Variants in PCDHGA3 observed in about 807,000 individuals in gnomAD.
The protein encoded by PCDHGA3 is protocadherin gamma-A3.
PCDHGA3 carries 40 observed loss-of-function variants against 58.5 expected under a neutral mutation model. The ratio of observed to expected loss-of-function variants is 0.68; its 90% CI spans 0.53 to 0.89. The LOEUF (loss-of-function observed/expected upper bound fraction) is 0.89. Among genes scored for constraint, PCDHGA3 ranks in the 40% least tolerant of loss-of-function variants. PCDHGA3 has a pLI of 0.00. For synonymous variants in PCDHGA3, 530 were observed against 525.7 expected (o/e 1.01, Z -0.11); for missense variants, 1,223 against 1,195.9 (o/e 1.02, Z -0.33).
chr5:141,431,405 G>A lies in PCDHGA3; in HGVS notation c.2425-63402G>A, dbSNP rs2097369508. Reference sequence around the variant, plus strand: ...TCACCACCTGGTCCTTACGGCCTCCGACGGGGGCGACCCGGTGCGCACAGG... The same window carrying A: ...TCACCACCTGGTCCTTACGGCCTCCAACGGGGGCGACCCGGTGCGCACAGG... On this transcript the variant is annotated intron_variant, in intron 1 of 3. Transcript: ENST00000253812. The surrounding 1 kb of genome is among the most constrained non-coding windows in gnomAD (Gnocchi z 4.8). 1 of 1,613,614 alleles carries A rather than the reference G, an allele frequency of 6.2e-7. No individual in the cohort carries two copies.
intron 1 of PCDHGA3, among the ~76,000 whole-genome samples, chr5:141,481,913 CAAAAAAA>C (rs34114744): frequency 2.2e-5 from 2 of 90,812 alleles, no homozygotes; most frequent in Admixed American, 1.2e-4. Context: ...AACTCCATCT[CAAAAAAA>C]AAAAAAAAAA....
At chr5:141,470,872 TTTTTTGTTTTTG>T (rs900302332) in intron 1 of PCDHGA3, among the ~76,000 whole-genome samples, 1 of 151,814 alleles carries the variant, frequency 6.6e-6, no homozygotes, top group Non-Finnish European at 1.5e-5. Context: ...GTTTGTTTGT[TTTTTTGTTTTTG>T]TTTTTGTTTT....
chr5:141,353,831 GTCTT>G (rs1759397437), intron 1 of PCDHGA3, among the ~76,000 whole-genome samples: 1 of 152,116 alleles, frequency 6.6e-6, no homozygotes, highest in Non-Finnish European at 1.5e-5. Context: ...AGTTTGTGCG[GTCTT>G]TGAGGATTGT....
chr5:141,360,127 AG>A, intron 1 of PCDHGA3: 4 of 1,586,256 alleles, frequency 2.5e-6, no homozygotes, highest in Non-Finnish European at 2.6e-6. Context: ...GAGCAAAGGG[AG>A]CCAGAAGATG....
chr5:141,466,612 C>T (rs141916895), intron 1 of PCDHGA3, among the ~76,000 whole-genome samples: 1 of 152,262 alleles, frequency 6.6e-6, no homozygotes, highest in East Asian at 1.9e-4. Flanking sequence ...TTGTAAACTG[C>T]CGTTTTCTTT....
chr5:141,489,364 G>A lies in PCDHGA3; in HGVS notation c.2425-5443G>A, dbSNP rs2099686163. On this transcript the variant is annotated intron_variant, in intron 1 of 3. Coordinates refer to ENST00000253812, the MANE Select transcript of PCDHGA3 (RefSeq NM_018916.4). The surrounding 1 kb of genome is among the most constrained non-coding windows in gnomAD (Gnocchi z 4.5). The stretch of plus-strand genomic sequence containing the variant: ...CTCAGTGGTGGAGGAGTCTGAGCCG[G>A]GGACGCTGGTGGGGAATGTTGCTCA... 1 of 1,613,450 alleles carries A rather than the reference G, an allele frequency of 6.2e-7. No homozygotes were observed. The highest frequency in any genetic ancestry group is 1.1e-5 in the South Asian group (1 of 91,042).
chr5:141,503,362 G>A (rs565902559), intron 2 of PCDHGA3, among the ~76,000 whole-genome samples: 32 of 152,054 alleles, frequency 2.1e-4, no homozygotes, highest in African/African-American at 6.5e-4. Context: ...TTTGGGAAGC[G>A]GAGGCAGGTG....
At chr5:141,399,425 G>A (rs2093805755) in intron 1 of PCDHGA3, 1 of 1,613,990 alleles carries the variant, frequency 6.2e-7, no homozygotes. Context: ...TCCAGCATAA[G>A]CGTCATCCTA....
intron 1 of PCDHGA3, among the ~76,000 whole-genome samples, chr5:141,401,064 C>T (rs146303449): frequency 1.3e-5 from 2 of 152,226 alleles, no homozygotes; most frequent in East Asian, 3.9e-4. Flanking sequence ...TATATGTTGG[C>T]TGGGTGCAGT....
At position 141,487,074 on chromosome 5, in the gene PCDHGA3, T is replaced by C; in HGVS notation, c.2425-7733T>C. The C allele has an allele frequency of 6.2e-7, 1 of 1,614,104 alleles. No homozygotes were observed. The highest frequency in any genetic ancestry group is 8.5e-7 in the Non-Finnish European group (1 of 1,179,978). Reference sequence around the variant, plus strand: ...GGGGAGGTGCGGACGGCTGTTCCTATCCCAGCTGACCTCCCACCACAGAAG... The same window carrying C: ...GGGGAGGTGCGGACGGCTGTTCCTACCCCAGCTGACCTCCCACCACAGAAG... On this transcript the variant is annotated intron_variant, in intron 1 of 3. Transcript: ENST00000253812. The surrounding 1 kb of genome is among the most constrained non-coding windows in gnomAD (Gnocchi z 5.0).
Position 141,501,940 on chromosome 5 carries a change from C to T in PCDHGA3, c.2484-3453C>T, listed in dbSNP as rs565207980. Among the ~76,000 whole-genome samples the T allele has an allele frequency of 2.6e-5, 4 of 152,250 alleles. No individual in the cohort carries two copies. In the East Asian group the frequency reaches 7.7e-4, roughly 29 times the overall value. On this transcript the variant is annotated intron_variant, in intron 2 of 3. Transcript: ENST00000253812. ...CAGCTTTGTTCCCTCAACACCACTG[C>T]TCCCTGTGACAGGTCATCCTCCTAA...
intron 1 of PCDHGA3, chr5:141,364,279 G>A: frequency 1.3e-6 from 2 of 1,515,964 alleles, no homozygotes; most frequent in Non-Finnish European, 1.8e-6. Flanking sequence ...AGATAAATAA[G>A]GAAACAGCAG....
At chr5:141,355,876 G>T in intron 1 of PCDHGA3, 4 of 1,613,034 alleles carry the variant, frequency 2.5e-6, no homozygotes, top group Non-Finnish European at 3.4e-6. Flanking sequence ...CTCTGGCACT[G>T]CCAGGATTCT....
chr5:141,371,348 G>T (rs1767688523), intron 1 of PCDHGA3: 4 of 1,613,932 alleles, frequency 2.5e-6, no homozygotes, highest in Middle Eastern at 3.3e-4. Flanking sequence ...ACACAATTGG[G>T]GTGGAAGCAA....
chr5:141,409,328 T>A, intron 1 of PCDHGA3: 3 of 1,613,926 alleles, frequency 1.9e-6, no homozygotes, highest in Non-Finnish European at 2.5e-6. Context: ...GGATCTGGAT[T>A]TCGGAGGAAA....
chr5:141,503,212 C>G (rs1227936455), intron 2 of PCDHGA3, among the ~76,000 whole-genome samples: 1 of 152,074 alleles, frequency 6.6e-6, no homozygotes, highest in African/African-American at 2.4e-5. Flanking sequence ...CAGTGCCCAC[C>G]ATGAGCACCG....
rs753994650 is a variant in PCDHGA3 at position 141,362,173 on chromosome 5, G to A, written c.2424+15716G>A. ...ATTGCCAGACCTCAGCGACCGCCGG[G>A]AGCCCTCTGACCCCCAGGCAAAACT... On this transcript the variant is annotated intron_variant, in intron 1 of 3. Transcript: ENST00000253812. 8.7e-6 allele frequency: 14 copies of A among 1,614,042 alleles called. No individual in the cohort carries two copies. In the South Asian group the frequency reaches 1.4e-4, roughly 16 times the overall value.
intron 1 of PCDHGA3, chr5:141,399,213 T>G (rs2093770836): frequency 6.2e-7 from 1 of 1,613,970 alleles, no homozygotes; most frequent in East Asian, 2.2e-5. Context: ...GAACACTAAT[T>G]GCTTTGATCA....
intron 1 of PCDHGA3, chr5:141,385,549 C>G (rs2090279237): frequency 7.6e-7 from 1 of 1,316,048 alleles, no homozygotes; most frequent in Non-Finnish European, 9.7e-7. Context: ...TGGACTATCA[C>G]ATTTTATAAT....
Sources: allele counts gnomAD v4.1 joint callset (sites outside exome capture counted in the v4.1 genomes callset), GRCh38; gene constraint gnomAD v4.1.1; non-coding constraint Gnocchi (gnomAD v3.1); transcripts MANE v1.5; gene names NCBI Gene and HGNC (gene_info 2026-07-23, HGNC 2026-07-21).